GRID1: variants seen among roughly 807,000 people sequenced by gnomAD.
GRID1 encodes glutamate receptor ionotropic, delta-1.
In GRID1, 28 loss-of-function variants were observed where a neutral mutation model predicts 98.0. The ratio of observed to expected loss-of-function variants is 0.29; its 90% confidence interval spans 0.21 to 0.39. GRID1 has a LOEUF of 0.39. GRID1 is among the 10% of genes least tolerant of loss of function. The pLI, the probability that GRID1 is intolerant of heterozygous loss-of-function variation, is 1.00. For missense variants in GRID1, 1,111 were observed against 1,340.5 expected (o/e 0.83, Z 2.67); for synonymous variants, 553 against 538.5 (o/e 1.03, Z -0.37).
At chr10:85,691,747 C>T (rs1169802822) in intron 12 of GRID1, among the ~76,000 whole-genome samples, 1 of 152,168 alleles carries the variant, frequency 6.6e-6, no homozygotes, top group Non-Finnish European at 1.5e-5. Flanking sequence ...TTTTCTTTCC[C>T]TCATTTTTAA....
intron 2 of GRID1, among the ~76,000 whole-genome samples, chr10:86,284,147 C>T (rs1159485239): frequency 6.6e-6 from 1 of 151,694 alleles, no homozygotes; most frequent in East Asian, 1.9e-4. Flanking sequence ...CACACACCTG[C>T]ATACACACAT....
At chr10:86,135,888 T>C (rs1023545870) in intron 4 of GRID1, among the ~76,000 whole-genome samples, 1 of 152,164 alleles carries the variant, frequency 6.6e-6, no homozygotes, top group South Asian at 2.1e-4. Flanking sequence ...GCTTTTTGAG[T>C]AGGGAAGAGG....
chr10:86,070,989 C>T (rs1355872154), intron 4 of GRID1, among the ~76,000 whole-genome samples: 1 of 152,200 alleles, frequency 6.6e-6, no homozygotes, highest in Non-Finnish European at 1.5e-5. Flanking sequence ...TCACCCTGAC[C>T]CCAAGCTGAC....
intron 4 of GRID1, among the ~76,000 whole-genome samples, chr10:86,101,162 G>C (rs1214742746): frequency 6.6e-6 from 1 of 152,142 alleles, no homozygotes; most frequent in East Asian, 1.9e-4. Flanking sequence ...TGGGTGGCTG[G>C]AATAACAGAT....
At chr10:86,069,106 A>G (rs937660785) in intron 4 of GRID1, among the ~76,000 whole-genome samples, 8 of 152,158 alleles carry the variant, frequency 5.3e-5, no homozygotes, top group African/African-American at 1.9e-4. Flanking sequence ...AGGATGGGCC[A>G]GGGAAGGGCA....
chr10:85,613,679 A>C (rs777942493), intron 14 of GRID1, 32 bp from the exon 15 acceptor site: 3 of 1,594,832 alleles, frequency 1.9e-6, no homozygotes, highest in Non-Finnish European at 1.7e-6. Flanking sequence ...AGCTATAGCC[A>C]CTGACGTCAT....
At chr10:86,235,512 C>G (rs1473888880) in intron 2 of GRID1, among the ~76,000 whole-genome samples, 1 of 152,216 alleles carries the variant, frequency 6.6e-6, no homozygotes, top group Non-Finnish European at 1.5e-5. Context: ...TTTCCATACA[C>G]CCCAAAGGTC....
chr10:85,724,294 T>C (rs1392654472), intron 11 of GRID1, 58 bp downstream of exon 11: 1 of 1,377,502 alleles, frequency 7.3e-7, no homozygotes, highest in Non-Finnish European at 1.0e-6. Flanking sequence ...ACTTTGCCAA[T>C]GGATAAGTTC....
At chr10:86,218,489 C>T (rs1846207802) in intron 2 of GRID1, among the ~76,000 whole-genome samples, 1 of 152,140 alleles carries the variant, frequency 6.6e-6, no homozygotes, top group Admixed American at 6.5e-5. Context: ...AGCCCCAAGC[C>T]CCAGCTCCAA....
At chr10:85,706,527 C>A (rs1344528224) in intron 12 of GRID1, among the ~76,000 whole-genome samples, 1 of 152,118 alleles carries the variant, frequency 6.6e-6, no homozygotes, top group Non-Finnish European at 1.5e-5. Context: ...GTGAAAATGG[C>A]CATACTGCCC....
At chr10:85,744,003 T>C (rs186490893) in intron 8 of GRID1, among the ~76,000 whole-genome samples, 218 of 152,262 alleles carry the variant, frequency 1.4e-3, no homozygotes, top group African/African-American at 5.0e-3. Context: ...AAAAATAAAA[T>C]ATTTTTTATT....
chr10:86,166,735 T>C (rs1362777877), intron 3 of GRID1, among the ~76,000 whole-genome samples: 1 of 152,124 alleles, frequency 6.6e-6, no homozygotes, highest in Non-Finnish European at 1.5e-5. Flanking sequence ...ATCAGGAGGT[T>C]TTATGTGAGC....
chr10:86,320,474 G>A (rs1040148040), intron 2 of GRID1, among the ~76,000 whole-genome samples: 5 of 152,164 alleles, frequency 3.3e-5, no homozygotes, highest in African/African-American at 1.2e-4. Context: ...TGAAATATCT[G>A]GAGTAGTCAA....
intron 10 of GRID1, among the ~76,000 whole-genome samples, chr10:85,725,131 CTA>C (rs1841748112): frequency 6.6e-6 from 1 of 152,150 alleles, no homozygotes; most frequent in Non-Finnish European, 1.5e-5. Flanking sequence ...CTCTCAGACT[CTA>C]TTATCCCACA....
At chr10:86,121,187 C>A (rs1418084084) in intron 4 of GRID1, among the ~76,000 whole-genome samples, 1 of 152,044 alleles carries the variant, frequency 6.6e-6, no homozygotes, top group Non-Finnish European at 1.5e-5. Context: ...CAGGAAGTCT[C>A]CTCCTGGGCC....
chr10:85,692,083 C>A (rs1841339901), intron 12 of GRID1, among the ~76,000 whole-genome samples: 1 of 152,156 alleles, frequency 6.6e-6, no homozygotes, highest in South Asian at 2.1e-4. Flanking sequence ...AGCTTTCTCT[C>A]TACATCTATT....
At chr10:86,111,258 C>T (rs1048507618) in intron 4 of GRID1, among the ~76,000 whole-genome samples, 1 of 152,200 alleles carries the variant, frequency 6.6e-6, no homozygotes, top group Non-Finnish European at 1.5e-5. Context: ...CCCTTGGCCA[C>T]AGCAAGTCAC....
intron 4 of GRID1, among the ~76,000 whole-genome samples, chr10:86,086,291 G>T (rs1813407442): frequency 6.6e-6 from 1 of 152,154 alleles, no homozygotes; most frequent in African/African-American, 2.4e-5. Context: ...GTCTGCTCTT[G>T]TCTGTTATTT....
intron 4 of GRID1, among the ~76,000 whole-genome samples, chr10:85,962,367 C>T (rs563064906): frequency 6.6e-6 from 1 of 152,354 alleles, no homozygotes; most frequent in South Asian, 2.1e-4. Context: ...AAGGAGACAA[C>T]CTGAAGCTGC....
Sources: gnomAD v4.1 joint callset for allele counts (sites outside exome capture counted in the v4.1 genomes callset) on GRCh38, gnomAD v4.1.1 for gene constraint, MANE v1.5 for transcripts, NCBI Gene and HGNC (gene_info 2026-07-23, HGNC 2026-07-21) for gene names.